The following SYNDIG1L variants were observed in gnomAD, a reference collection of about 807,000 sequenced individuals.
SYNDIG1L encodes the protein synapse differentiation-inducing gene protein 1-like.
A neutral mutation model predicts 20.1 loss-of-function variants in SYNDIG1L; 13 were observed. The observed-to-expected ratio is 0.65, with a 90% CI of 0.42 to 1.03. SYNDIG1L has a LOEUF of 1.03. SYNDIG1L is among the 50% of genes least tolerant of loss of function. SYNDIG1L has a pLI of 0.00. For synonymous variants in SYNDIG1L, 128 were observed against 129.3 expected (o/e 0.99, Z 0.07); for missense variants, 294 against 305.1 (o/e 0.96, Z 0.27).
At chr14:74,465,227 T>C in the SYNDIG1L span, among the ~76,000 whole-genome samples, 42 of 152,328 alleles carry the variant, frequency 2.8e-4, no homozygotes, top group Admixed American at 1.9e-3. Flanking sequence ...ACAAGTCTCA[T>C]CACTTGGGCT....
chr14:74,475,263 C>G, the SYNDIG1L span, among the ~76,000 whole-genome samples: 2 of 151,314 alleles, frequency 1.3e-5, no homozygotes, highest in Non-Finnish European at 2.9e-5. Flanking sequence ...TATTATGCGT[C>G]AGGTACTGCA....
the SYNDIG1L span, among the ~76,000 whole-genome samples, chr14:74,469,728 GT>G: frequency 6.6e-6 from 1 of 152,210 alleles, no homozygotes; most frequent in African/African-American, 2.4e-5. Context: ...TCAGCACACA[GT>G]TCTGACCTAT....
At chr14:74,410,743 C>T (rs537034669) in intron 1 of SYNDIG1L, among the ~76,000 whole-genome samples, 7 of 152,252 alleles carry the variant, frequency 4.6e-5, no homozygotes, top group Admixed American at 3.9e-4. Flanking sequence ...GCTTGGCACA[C>T]GGCATGTGCT....
the SYNDIG1L span, among the ~76,000 whole-genome samples, chr14:74,443,394 G>A: frequency 6.6e-6 from 1 of 152,338 alleles, no homozygotes; most frequent in South Asian, 2.1e-4. Context: ...GGTGACCTTA[G>A]CGAGAACTGT....
At chr14:74,444,849 AG>A in the SYNDIG1L span, among the ~76,000 whole-genome samples, 3 of 152,222 alleles carry the variant, frequency 2.0e-5, no homozygotes, top group Admixed American at 1.3e-4. Flanking sequence ...TGATTGTAAA[AG>A]AATCCTCAAA....
chr14:74,409,021 C>G (rs151199348), intron 2 of SYNDIG1L, among the ~76,000 whole-genome samples: 1 of 151,930 alleles, frequency 6.6e-6, no homozygotes, highest in Non-Finnish European at 1.5e-5. Flanking sequence ...ATCTCGATAT[C>G]TGGTGATGGG....
At chr14:74,459,072 C>A in the SYNDIG1L span, among the ~76,000 whole-genome samples, 1 of 152,120 alleles carries the variant, frequency 6.6e-6, no homozygotes, top group Non-Finnish European at 1.5e-5. Context: ...GCTTGGAGCT[C>A]TGAGAGCAGC....
the SYNDIG1L span, among the ~76,000 whole-genome samples, chr14:74,465,699 G>A: frequency 6.6e-6 from 1 of 152,126 alleles, no homozygotes; most frequent in African/African-American, 2.4e-5. Context: ...TAAGCCCCAG[G>A]ACTCCCAGTG....
At chr14:74,458,020 G>A in the SYNDIG1L span, among the ~76,000 whole-genome samples, 2 of 151,826 alleles carry the variant, frequency 1.3e-5, no homozygotes, top group South Asian at 2.1e-4. Context: ...GGTTGCTCTC[G>A]AACTCCTGGG....
At chr14:74,457,088 A>G in the SYNDIG1L span, among the ~76,000 whole-genome samples, 1 of 152,184 alleles carries the variant, frequency 6.6e-6, no homozygotes. Context: ...AGGCCTTCAA[A>G]GAGATTTGAC....
At chr14:74,476,282 A>G in the SYNDIG1L span, 98 of 610,774 alleles carry the variant, frequency 1.6e-4, no homozygotes, top group East Asian at 2.6e-3. Context: ...TGGCACACCC[A>G]GCAGCTCTGC....
the SYNDIG1L span, among the ~76,000 whole-genome samples, chr14:74,470,038 AAAAGGAGAAAATGCAGTCACG>A: frequency 8.5e-5 from 13 of 152,276 alleles, no homozygotes; most frequent in Non-Finnish European, 1.2e-4. Context: ...AGGTTATGAG[AAAAGGAGAAAATGCAGTCACG>A]AAAGGAGAAA....
the SYNDIG1L span, among the ~76,000 whole-genome samples, chr14:74,464,379 G>A: frequency 3.9e-5 from 6 of 152,064 alleles, no homozygotes; most frequent in East Asian, 1.2e-3. Flanking sequence ...GATGATCTAA[G>A]GATTTCAGTT....
chr14:74,425,512 T>A (rs2086257290), intron 1 of SYNDIG1L, among the ~76,000 whole-genome samples: 2 of 152,012 alleles, frequency 1.3e-5, no homozygotes, highest in Admixed American at 6.5e-5. Context: ...GGTGAACAGG[T>A]TTGGGTGCGA....
At chr14:74,445,204 T>C in the SYNDIG1L span, among the ~76,000 whole-genome samples, 3 of 152,286 alleles carry the variant, frequency 2.0e-5, no homozygotes, top group Admixed American at 6.5e-5. Context: ...GCGATTCTCT[T>C]CACCTTCTGC....
intron 1 of SYNDIG1L, among the ~76,000 whole-genome samples, chr14:74,423,786 G>A (rs1458144265): frequency 6.6e-6 from 1 of 152,048 alleles, no homozygotes; most frequent in Non-Finnish European, 1.5e-5. Context: ...CTTCCTAGGA[G>A]GGAGATCATA....
chr14:74,469,553 A>G, the SYNDIG1L span, among the ~76,000 whole-genome samples: 1 of 152,190 alleles, frequency 6.6e-6, no homozygotes, highest in African/African-American at 2.4e-5. Flanking sequence ...ATGTGGCCAC[A>G]TGGCTTTCTC....
At chr14:74,423,500 C>T (rs984043623) in intron 1 of SYNDIG1L, among the ~76,000 whole-genome samples, 2 of 152,158 alleles carry the variant, frequency 1.3e-5, no homozygotes, top group African/African-American at 2.4e-5. Flanking sequence ...AGCCAGAAAG[C>T]GATGACGTGA....
At chr14:74,456,496 C>T in the SYNDIG1L span, among the ~76,000 whole-genome samples, 2 of 151,976 alleles carry the variant, frequency 1.3e-5, no homozygotes, top group Non-Finnish European at 2.9e-5. Flanking sequence ...TGCCATTCAC[C>T]CCAGCCTGGG....
Sources: gnomAD v4.1 joint callset for allele counts (sites outside exome capture counted in the v4.1 genomes callset) on GRCh38, gnomAD v4.1.1 for gene constraint, MANE v1.5 for transcripts, NCBI Gene and HGNC (gene_info 2026-07-23, HGNC 2026-07-21) for gene names.